KCNH7: variants seen among roughly 807,000 people sequenced by gnomAD.
KCNH7 encodes potassium voltage-gated channel subfamily H member 7.
KCNH7 carries 49 observed loss-of-function variants against 120.8 expected under a neutral mutation model. That is an observed-to-expected ratio of 0.41 (90% CI 0.32 to 0.51). KCNH7 has a LOEUF of 0.51. Ranked by LOEUF, KCNH7 falls within the 20% of genes least tolerant of loss-of-function variation. The pLI is 0.38. For synonymous variants in KCNH7, 547 were observed against 516.1 expected, an observed-to-expected ratio of 1.06 and a Z score of -0.81; for missense variants, 1,097 against 1,446.6, an observed-to-expected ratio of 0.76 and a Z score of 3.92.
intron 2 of KCNH7, among the ~76,000 whole-genome samples, chr2:162,691,121 CA>C (rs1686087426): frequency 1.3e-5 from 2 of 152,100 alleles, no homozygotes; most frequent in Non-Finnish European, 2.9e-5. Flanking sequence ...GACATCTCTC[CA>C]AACAGGTATA....
At chr2:162,556,724 CTT>C (rs1206592053) in intron 2 of KCNH7, among the ~76,000 whole-genome samples, 1 of 152,132 alleles carries the variant, frequency 6.6e-6, no homozygotes, top group Non-Finnish European at 1.5e-5. Context: ...GTAAAACAAT[CTT>C]TTTTGTCTTC....
intron 2 of KCNH7, among the ~76,000 whole-genome samples, chr2:162,682,044 G>T (rs996450407): frequency 1.3e-5 from 2 of 151,130 alleles, no homozygotes; most frequent in Non-Finnish European, 3.0e-5. Context: ...TTATTTTCAC[G>T]ATTAGTTCAC....
At chr2:162,789,167 C>T (rs2105513439) in intron 2 of KCNH7, among the ~76,000 whole-genome samples, 1 of 152,010 alleles carries the variant, frequency 6.6e-6, no homozygotes. Context: ...AGCAAACTAA[C>T]AACATGAAAA....
intron 2 of KCNH7, among the ~76,000 whole-genome samples, chr2:162,695,224 CGGTTGGGTTATCTATGTTAA>C (rs1559085921): frequency 6.6e-6 from 1 of 152,104 alleles, no homozygotes. Context: ...GGAAACGTAT[CGGTTGGGTTATCTATGTTAA>C]GTATATTAAT....
chr2:162,452,215 C>A (rs572809566), intron 6 of KCNH7, among the ~76,000 whole-genome samples: 1 of 151,840 alleles, frequency 6.6e-6, no homozygotes, highest in African/African-American at 2.4e-5. Context: ...TTTATTGAAA[C>A]TGAATGATGG....
At chr2:162,701,253 T>G (rs1686487562) in intron 2 of KCNH7, among the ~76,000 whole-genome samples, 2 of 152,166 alleles carry the variant, frequency 1.3e-5, no homozygotes, top group South Asian at 4.1e-4. Context: ...TTATCCAGTG[T>G]GAAATATTTT....
At chr2:162,735,009 A>T (rs1687850288) in intron 2 of KCNH7, among the ~76,000 whole-genome samples, 1 of 152,184 alleles carries the variant, frequency 6.6e-6, no homozygotes, top group Admixed American at 6.6e-5. Context: ...AGCCAGCAGA[A>T]CCTGTCTCTT....
intron 5 of KCNH7, 29 bp downstream of exon 5, chr2:162,512,625 A>C: frequency 6.2e-7 from 1 of 1,604,454 alleles, no homozygotes; most frequent in Non-Finnish European, 8.5e-7. Flanking sequence ...GTTGAACATC[A>C]GATGGTGAAA....
intron 5 of KCNH7, among the ~76,000 whole-genome samples, chr2:162,505,179 C>A (rs1476199307): frequency 6.6e-6 from 1 of 151,866 alleles, no homozygotes; most frequent in African/African-American, 2.4e-5. Context: ...TGAGATGCTC[C>A]ACAGAGCTTC....
At chr2:162,603,692 C>T (rs1448162124) in intron 2 of KCNH7, among the ~76,000 whole-genome samples, 1 of 151,974 alleles carries the variant, frequency 6.6e-6, no homozygotes, top group Non-Finnish European at 1.5e-5. Context: ...AATAAGTAAA[C>T]TATCAGCTTT....
intron 9 of KCNH7, among the ~76,000 whole-genome samples, chr2:162,413,541 T>C (rs1349275874): frequency 6.6e-6 from 1 of 152,112 alleles, no homozygotes; most frequent in Non-Finnish European, 1.5e-5. Context: ...TTTAATTAAA[T>C]GAAAAAAGAA....
chr2:162,444,973 G>A (rs1341210042), intron 7 of KCNH7, among the ~76,000 whole-genome samples: 2 of 151,994 alleles, frequency 1.3e-5, no homozygotes, highest in Non-Finnish European at 2.9e-5. Flanking sequence ...TTTTACAGAT[G>A]AGGAAAGTCA....
intron 2 of KCNH7, among the ~76,000 whole-genome samples, chr2:162,824,854 G>A (rs903344308): frequency 2.6e-5 from 4 of 151,760 alleles, no homozygotes; most frequent in African/African-American, 9.7e-5. Context: ...ATATATATAT[G>A]TAGAGAGAGA....
At chr2:162,545,936 T>C (rs1465470484) in intron 2 of KCNH7, among the ~76,000 whole-genome samples, 1 of 152,220 alleles carries the variant, frequency 6.6e-6, no homozygotes, top group African/African-American at 2.4e-5. Flanking sequence ...ACACATTCTC[T>C]CTTAACATTT....
intron 2 of KCNH7, among the ~76,000 whole-genome samples, chr2:162,832,941 T>G (rs1419437081): frequency 6.6e-6 from 1 of 152,108 alleles, no homozygotes; most frequent in African/African-American, 2.4e-5. Context: ...TTCAGTTCTT[T>G]AAAAGCAGCA....
At chr2:162,497,144 A>C (rs1690522791) in intron 6 of KCNH7, 1 of 152,176 alleles carries the variant, frequency 6.6e-6, no homozygotes, top group African/African-American at 2.4e-5. Flanking sequence ...ATTCCTAAAG[A>C]AGTACTAAAT....
At chr2:162,437,275 T>C (rs1165163302) in intron 7 of KCNH7, among the ~76,000 whole-genome samples, 1 of 152,134 alleles carries the variant, frequency 6.6e-6, no homozygotes, top group Non-Finnish European at 1.5e-5. Flanking sequence ...AGTTGACATG[T>C]ATTTATCATA....
intron 5 of KCNH7, among the ~76,000 whole-genome samples, chr2:162,510,217 A>G (rs1564949): frequency 1 from 151,463 of 151,662 alleles, 75,633 homozygotes; most frequent in East Asian, 1. Context: ...AGCTTAAGGA[A>G]TCATAATGCT....
chr2:162,758,991 C>A (rs893061321), intron 2 of KCNH7, among the ~76,000 whole-genome samples: 10 of 152,068 alleles, frequency 6.6e-5, no homozygotes, highest in Admixed American at 2.6e-4. Context: ...ATTGGTTGAT[C>A]TAATGAAAAT....
Sources: gnomAD v4.1 joint callset for allele counts (sites outside exome capture counted in the v4.1 genomes callset) on GRCh38, gnomAD v4.1.1 for gene constraint, MANE v1.5 for transcripts, NCBI Gene and HGNC (gene_info 2026-07-23, HGNC 2026-07-21) for gene names.